The following ANKFN1 variants were observed in gnomAD, a reference collection of about 807,000 sequenced individuals.
The protein encoded by ANKFN1 is ankyrin repeat and fibronectin type-III domain-containing protein 1.
In ANKFN1, 74 loss-of-function variants were observed where a neutral mutation model predicts 108.7. The observed-to-expected ratio is 0.68, with a 90% CI of 0.56 to 0.83. ANKFN1 has a LOEUF of 0.83. ANKFN1 is among the 40% of genes least tolerant of loss of function. The probability of loss-of-function intolerance (pLI) is 0.00; values close to 1 mark genes in which losing one functional copy is unlikely to be tolerated. For synonymous variants in ANKFN1, 547 were observed against 516.2 expected (o/e 1.06, Z -0.81); for missense variants, 1,505 against 1,382.3 (o/e 1.09, Z -1.41).
At chr17:56,344,738 T>G (rs1316922183) in intron 4 of ANKFN1, among the ~76,000 whole-genome samples, 1 of 152,076 alleles carries the variant, frequency 6.6e-6, no homozygotes, top group East Asian at 1.9e-4. Context: ...AAGATAAGCC[T>G]TGTGAGTAGG....
chr17:56,118,241 C>T (rs1400245743), intron 4 of ANKFN1, among the ~76,000 whole-genome samples: 1 of 152,102 alleles, frequency 6.6e-6, no homozygotes, highest in African/African-American at 2.4e-5. Context: ...TCTGGATATA[C>T]ATCTACAAGG....
At chr17:56,445,074 T>C (rs2049239753) in intron 10 of ANKFN1, among the ~76,000 whole-genome samples, 1 of 152,212 alleles carries the variant, frequency 6.6e-6, no homozygotes, top group South Asian at 2.1e-4. Flanking sequence ...TTATTTCTAG[T>C]CATTTATTTC....
chr17:56,320,714 CT>C (rs1374192275), intron 3 of ANKFN1, among the ~76,000 whole-genome samples: 1 of 152,128 alleles, frequency 6.6e-6, no homozygotes, highest in African/African-American at 2.4e-5. Flanking sequence ...CGGTGAGAGG[CT>C]GCTGAGAGGA....
At position 56,514,870 on chromosome 17, in the gene ANKFN1, A is replaced by G. The variant is rs558833319; in HGVS notation, c.*3601A>G. On this transcript the variant is annotated 3_prime_UTR_variant, in exon 21 of 21. Transcript: ENST00000682825. The stretch of plus-strand genomic sequence containing the variant: ...TGTGTCCTTGCCAGGAGATCATGCC[A>G]GAGAAGTGGAAAAGAGGACTGGACC... 4.9e-4 allele frequency among the ~76,000 whole-genome samples: 74 copies of G among 152,246 alleles called. No homozygotes were observed. Among genetic ancestry groups the G allele is most frequent in the Admixed American group, 1.4e-3 (21 of 15,306 alleles).
At chr17:56,488,142 G>A (rs2050913225) in intron 18 of ANKFN1, among the ~76,000 whole-genome samples, 1 of 152,296 alleles carries the variant, frequency 6.6e-6, no homozygotes, top group South Asian at 2.1e-4. Context: ...AGGACTGATT[G>A]CAAGAGAGTA....
At chr17:56,145,094 C>T (rs1908178815) in intron 4 of ANKFN1, among the ~76,000 whole-genome samples, 1 of 152,170 alleles carries the variant, frequency 6.6e-6, no homozygotes, top group Admixed American at 6.5e-5. Context: ...AAACACTGCC[C>T]ACACAAAAGG....
At chr17:56,223,993 G>T (rs1204681298) in intron 2 of ANKFN1, among the ~76,000 whole-genome samples, 1 of 152,150 alleles carries the variant, frequency 6.6e-6, no homozygotes, top group Non-Finnish European at 1.5e-5. Flanking sequence ...TAAGTAACTG[G>T]TCAGAGGTCA....
chr17:56,188,555 GTGTGTGTA>G (rs201930797), intron 1 of ANKFN1, among the ~76,000 whole-genome samples: 1,036 of 75,380 alleles, frequency 0.014, 17 homozygotes, highest in South Asian at 0.09. Context: ...ATGTGTGTGT[GTGTGTGTA>G]TGTGTGTGTG....
At chr17:56,451,718 C>G (rs1191253450) in intron 11 of ANKFN1, among the ~76,000 whole-genome samples, 1 of 152,134 alleles carries the variant, frequency 6.6e-6, no homozygotes, top group Non-Finnish European at 1.5e-5. Context: ...ATTCACCTGA[C>G]ACAGTGTCTT....
At chr17:56,249,344 G>A (rs139914460) in intron 3 of ANKFN1, among the ~76,000 whole-genome samples, 2 of 152,070 alleles carry the variant, frequency 1.3e-5, no homozygotes, top group African/African-American at 4.8e-5. Flanking sequence ...TGAAGCAGGA[G>A]AATCGCTTGA....
Position 56,318,407 on chromosome 17 carries a change from C to A in ANKFN1, c.54-7814C>A, listed in dbSNP as rs146549724. On this transcript the variant is annotated intron_variant, in intron 3 of 20. Coordinates refer to ENST00000682825, the MANE Select transcript of ANKFN1 (RefSeq NM_001370326.1). ...AGTATAAAATGCATTCCTCTGAGTT[C>A]TCTTTAATTCTTTTCAATTAAACCT... Among the ~76,000 whole-genome samples the A allele has an allele frequency of 4.0e-4, 61 of 152,260 alleles. 1 individual carries two copies. The Middle Eastern group carries it at 0.02, about 51-fold the overall frequency.
intron 4 of ANKFN1, among the ~76,000 whole-genome samples, chr17:56,086,937 G>T (rs1007503173): frequency 1.3e-5 from 2 of 151,302 alleles, no homozygotes; most frequent in Non-Finnish European, 3.0e-5. Flanking sequence ...ATTCTGCCAG[G>T]GGGATAGTAT....
intron 8 of ANKFN1, among the ~76,000 whole-genome samples, chr17:56,380,452 G>A (rs2047063237): frequency 6.6e-6 from 1 of 152,198 alleles, no homozygotes; most frequent in African/African-American, 2.4e-5. Flanking sequence ...TGGGTGCAGT[G>A]CACCGTGCAC....
chr17:56,313,438 G>C (rs2045103705), intron 3 of ANKFN1, among the ~76,000 whole-genome samples: 1 of 152,196 alleles, frequency 6.6e-6, no homozygotes, highest in Admixed American at 6.5e-5. Context: ...TCCCCAAGCA[G>C]TGTGCCACAG....
intron 8 of ANKFN1, among the ~76,000 whole-genome samples, chr17:56,403,902 G>A (rs2047837578): frequency 1.3e-5 from 2 of 152,064 alleles, no homozygotes; most frequent in Admixed American, 6.6e-5. Context: ...GAAAAAGACT[G>A]TATCTTTCCT....
intron 3 of ANKFN1, among the ~76,000 whole-genome samples, chr17:56,258,675 C>G (rs967678326): frequency 1.3e-5 from 2 of 152,154 alleles, no homozygotes; most frequent in South Asian, 2.1e-4. Flanking sequence ...CTTTGGGAGG[C>G]CGAGGCGGGC....
At chr17:56,091,171 G>T (rs144289004) in intron 4 of ANKFN1, among the ~76,000 whole-genome samples, 1,910 of 151,060 alleles carry the variant, frequency 0.013, 94 homozygotes, top group African/African-American at 0.044. Flanking sequence ...ATGGTAGAAC[G>T]TGAAAGAGAG....
At chr17:56,391,756 T>C (rs1423138386) in intron 8 of ANKFN1, among the ~76,000 whole-genome samples, 2 of 152,180 alleles carry the variant, frequency 1.3e-5, no homozygotes, top group East Asian at 3.9e-4. Flanking sequence ...AGCTACTAAG[T>C]GATGTTAATG....
intron 3 of ANKFN1, among the ~76,000 whole-genome samples, chr17:56,293,344 C>T (rs1253507548): frequency 6.6e-6 from 1 of 152,160 alleles, no homozygotes; most frequent in Non-Finnish European, 1.5e-5. Flanking sequence ...CACACAAATG[C>T]CACCATCACC....
Sources: allele counts gnomAD v4.1 joint callset (sites outside exome capture counted in the v4.1 genomes callset), GRCh38; gene constraint gnomAD v4.1.1; transcripts MANE v1.5; gene names NCBI Gene and HGNC (gene_info 2026-07-23, HGNC 2026-07-21).